Variants in INSL6 observed in about 807,000 individuals in gnomAD.
The protein encoded by INSL6 is insulin like 6.
INSL6 carries 16 observed loss-of-function variants against 9.4 expected under a neutral mutation model. The observed-to-expected ratio is 1.70, with a 90% CI of 1.15 to 2.59. INSL6 has a LOEUF of 2.59. Among genes scored for constraint, INSL6 ranks in the 30% most tolerant of loss-of-function variants. INSL6 has a pLI of 0.00. For synonymous variants in INSL6, 154 were observed against 96.9 expected (o/e 1.59, Z -3.46); for missense variants, 391 against 257.3 (o/e 1.52, Z -3.56).
At chr9:5,101,032 G>A in the INSL6 span, 3 of 152,410 alleles carry the variant, frequency 2.0e-5, no homozygotes, top group East Asian at 5.8e-4. Flanking sequence ...GGACTGGTTG[G>A]ACAGGGGGTG....
In INSL6 at chr9:5,154,809, C is replaced by A. The variant is rs1373082846; in HGVS notation, c.376+9370G>T. Among the ~76,000 whole-genome samples the A allele has an allele frequency of 5.7e-4, 86 of 152,210 alleles. No homozygotes were observed. The South Asian group carries it at 9.1e-3, about 16-fold the overall frequency. ...CACACCAGTTAGAATGGCAATCATT[C>A]AAAAGTCAGGAAACAACAGGTGCTG... On this transcript the variant is annotated intron_variant, in intron 2 of 3. Coordinates refer to the INSL6 transcript ENST00000649639.
the INSL6 span, among the ~76,000 whole-genome samples, chr9:5,023,366 C>T: frequency 6.6e-6 from 1 of 152,140 alleles, no homozygotes; most frequent in East Asian, 1.9e-4. Context: ...CACTGGGCCC[C>T]AGGGGAGTAC....
At chr9:5,119,585 T>G (rs746313606), downstream of INSL6, among the ~76,000 whole-genome samples, 4 of 152,080 alleles carry the variant, frequency 2.6e-5, no homozygotes, top group Non-Finnish European at 5.9e-5. Flanking sequence ...TTCTCATTAC[T>G]TAATTTGCAA....
At chr9:5,104,141 G>C in the INSL6 span, among the ~76,000 whole-genome samples, 17,398 of 151,902 alleles carry the variant, frequency 0.11, 3,087 homozygotes, top group African/African-American at 0.39. Context: ...TTTTCAAAAA[G>C]ATCAACAAAA....
intron 2 of INSL6, among the ~76,000 whole-genome samples, chr9:5,135,604 C>G (rs909952050): frequency 3.3e-5 from 5 of 152,168 alleles, no homozygotes; most frequent in African/African-American, 1.2e-4. Context: ...ACCAGAATCT[C>G]TAGGACACAT....
At chr9:5,041,129 C>G in the INSL6 span, 1 of 954,434 alleles carries the variant, frequency 1.0e-6, no homozygotes, top group African/African-American at 1.6e-5. Flanking sequence ...GACGGTGCTC[C>G]TGATCGCCAT....
the INSL6 span, among the ~76,000 whole-genome samples, chr9:5,086,368 C>G: frequency 6.6e-6 from 1 of 151,532 alleles, no homozygotes; most frequent in Admixed American, 6.5e-5. Flanking sequence ...CCTCTTTATT[C>G]CTTTTTCCTC....
At chr9:5,171,029 C>A (rs1433766207) in intron 1 of INSL6, among the ~76,000 whole-genome samples, 2 of 152,114 alleles carry the variant, frequency 1.3e-5, no homozygotes, top group Non-Finnish European at 2.9e-5. Flanking sequence ...CTGACAGATA[C>A]AACAACAAAA....
the INSL6 span, among the ~76,000 whole-genome samples, chr9:4,997,961 T>C: frequency 6.6e-6 from 1 of 152,200 alleles, no homozygotes; most frequent in East Asian, 1.9e-4. Flanking sequence ...TTTAAATAAT[T>C]ATTTCAGAGG....
intron 3 of INSL6, among the ~76,000 whole-genome samples, chr9:5,125,603 A>ATT (rs1823932570): frequency 6.6e-6 from 1 of 151,228 alleles, no homozygotes; most frequent in South Asian, 2.1e-4. Context: ...GCTGTGCCAA[A>ATT]TTATATCTCA....
At chr9:5,163,731 AAAC>A, downstream of INSL6, 1 of 560,950 alleles carries the variant, frequency 1.8e-6, no homozygotes, top group Non-Finnish European at 3.2e-6. Flanking sequence ...AAACTAAGGA[AAAC>A]AACAGGGTCA....
intron 2 of INSL6, among the ~76,000 whole-genome samples, chr9:5,150,475 G>A (rs911325770): frequency 1.3e-5 from 2 of 152,098 alleles, no homozygotes; most frequent in Admixed American, 1.3e-4. Flanking sequence ...ATGAAAAAAT[G>A]CTCAACATCA....
chr9:5,090,464 T>C, the INSL6 span: 1 of 1,566,892 alleles, frequency 6.4e-7, no homozygotes, highest in Non-Finnish European at 8.7e-7. Context: ...AATCTAAAAT[T>C]AATTATGGAA....
At chr9:5,001,973 A>G in the INSL6 span, among the ~76,000 whole-genome samples, 1 of 151,934 alleles carries the variant, frequency 6.6e-6, no homozygotes, top group Non-Finnish European at 1.5e-5. Flanking sequence ...AGTTGCTCCT[A>G]TCTTTTTATA....
At chr9:5,127,509 T>A (rs1001060678) in intron 3 of INSL6, 30 of 231,192 alleles carry the variant, frequency 1.3e-4, no homozygotes, top group African/African-American at 6.4e-4. Flanking sequence ...CTTACAAAGA[T>A]ATAATCTATT....
chr9:5,049,465 A>C, the INSL6 span, among the ~76,000 whole-genome samples: 1 of 152,162 alleles, frequency 6.6e-6, no homozygotes, highest in Admixed American at 6.5e-5. Context: ...TCCATCATAC[A>C]TTTCTTTATT....
chr9:5,015,222 G>A, the INSL6 span, among the ~76,000 whole-genome samples: 1 of 152,130 alleles, frequency 6.6e-6, no homozygotes, highest in African/African-American at 2.4e-5. Flanking sequence ...GGAAGCTGAG[G>A]CGCAATGAAT....
At chr9:5,120,331 A>C (rs886454331), downstream of INSL6, among the ~76,000 whole-genome samples, 1 of 152,256 alleles carries the variant, frequency 6.6e-6, no homozygotes, top group Non-Finnish European at 1.5e-5. Flanking sequence ...CACATTAACA[A>C]CACCTGAATT....
chr9:5,077,643 A>G, the INSL6 span: 3 of 1,065,048 alleles, frequency 2.8e-6, no homozygotes, highest in Non-Finnish European at 3.8e-6. Flanking sequence ...TATACAAATT[A>G]TCTTTACCTG....
Sources: gnomAD v4.1 joint callset for allele counts (sites outside exome capture counted in the v4.1 genomes callset) on GRCh38, gnomAD v4.1.1 for gene constraint, MANE v1.5 for transcripts, NCBI Gene and HGNC (gene_info 2026-07-23, HGNC 2026-07-21) for gene names.